Variants in RBFOX1 observed in about 807,000 individuals in gnomAD.
RBFOX1 encodes the protein RNA binding fox-1 homolog 1.
RBFOX1 carries 8 observed loss-of-function variants against 57.7 expected under a neutral mutation model. That is an observed-to-expected ratio of 0.14 (90% CI 0.08 to 0.25). The LOEUF is 0.25. Among genes scored for constraint, RBFOX1 ranks in the 10% least tolerant of loss-of-function variants. RBFOX1 has a pLI of 1.00. For synonymous variants in RBFOX1, 326 were observed against 222.4 expected, an observed-to-expected ratio of 1.47 and a Z score of -4.15; for missense variants, 611 against 548.5, an observed-to-expected ratio of 1.11 and a Z score of -1.14.
intron 4 of RBFOX1, among the ~76,000 whole-genome samples, chr16:7,089,206 C>G (rs1446281824): frequency 6.6e-6 from 1 of 152,088 alleles, no homozygotes; most frequent in African/African-American, 2.4e-5. Flanking sequence ...ATTATTTTGT[C>G]TTCATTTCAG....
At chr16:5,575,802 G>A (rs530738007) in intron 2 of RBFOX1, among the ~76,000 whole-genome samples, 2 of 151,790 alleles carry the variant, frequency 1.3e-5, no homozygotes, top group African/African-American at 4.8e-5. Flanking sequence ...TCTTGGGCTG[G>A]AATGTGCCCA....
chr16:7,304,342 A>T, intron 4 of RBFOX1: 1 of 985,324 alleles, frequency 1.0e-6, no homozygotes, highest in Non-Finnish European at 1.2e-6. Context: ...ACGTGATTGC[A>T]TTCAAGCGTC....
At chr16:6,973,811 CAGGATGTGT>C (rs1228794486) in intron 3 of RBFOX1, among the ~76,000 whole-genome samples, 1 of 151,988 alleles carries the variant, frequency 6.6e-6, no homozygotes, top group East Asian at 1.9e-4. Context: ...GGTACATGTG[CAGGATGTGT>C]AGGTTTGTTA....
intron 4 of RBFOX1, among the ~76,000 whole-genome samples, chr16:5,891,147 C>T (rs905345973): frequency 1.1e-4 from 17 of 152,186 alleles, no homozygotes; most frequent in Non-Finnish European, 2.2e-4. Context: ...CCTCTCTACC[C>T]TCCTTAGGAT....
chr16:6,747,258 A>C (rs1255356288), intron 3 of RBFOX1, among the ~76,000 whole-genome samples: 1 of 152,110 alleles, frequency 6.6e-6, no homozygotes, highest in Non-Finnish European at 1.5e-5. Flanking sequence ...AAAATATACA[A>C]ATTAGCCTGG....
intron 4 of RBFOX1, among the ~76,000 whole-genome samples, chr16:7,324,649 G>A (rs2096587940): frequency 6.6e-6 from 1 of 152,202 alleles, no homozygotes; most frequent in African/African-American, 2.4e-5. Flanking sequence ...ATCAGGTCAG[G>A]AAGCGCTTAA....
At chr16:7,482,488 GT>G (rs375173540) in intron 4 of RBFOX1, among the ~76,000 whole-genome samples, 28,069 of 139,280 alleles carry the variant, frequency 0.2, 3,045 homozygotes, top group East Asian at 0.4. Flanking sequence ...TGTTGTTGTT[GT>G]TGTTGTTTCT....
At chr16:7,562,615 T>C (rs763858619) in intron 5 of RBFOX1, among the ~76,000 whole-genome samples, 2 of 152,138 alleles carry the variant, frequency 1.3e-5, no homozygotes, top group African/African-American at 4.8e-5. Flanking sequence ...CAGAATGAGA[T>C]GGGAGGCAAA....
chr16:6,504,002 C>T (rs1036283383), intron 2 of RBFOX1, among the ~76,000 whole-genome samples: 5 of 152,162 alleles, frequency 3.3e-5, no homozygotes, highest in Non-Finnish European at 7.3e-5. Flanking sequence ...TAAGAGCAGC[C>T]TTCTATTTGC....
rs117718318 is a variant in RBFOX1 at position 6,175,560 on chromosome 16, T to A, written c.-126-141435T>A. 8.4e-4 allele frequency among the ~76,000 whole-genome samples: 128 copies of A among 152,320 alleles called. No individual in the cohort carries two copies. In the East Asian group the frequency reaches 0.023, roughly 28 times the overall value. ...GGTGGTTGTAATGGTTGCGCTTTTG[T>A]TGTGCATAGCACCTAGTAATAGCTG... On this transcript the variant is annotated intron_variant, in intron 1 of 15. Transcript: ENST00000550418.
chr16:7,705,784 T>G (rs1339261448), intron 14 of RBFOX1, among the ~76,000 whole-genome samples: 2 of 152,146 alleles, frequency 1.3e-5, no homozygotes, highest in African/African-American at 2.4e-5. Context: ...GGCTGTTGAG[T>G]TGGTGTTGAT....
intron 3 of RBFOX1, among the ~76,000 whole-genome samples, chr16:5,731,062 A>G (rs75445862): frequency 0.26 from 38,388 of 148,750 alleles, 5,682 homozygotes; most frequent in African/African-American, 0.4. Flanking sequence ...ATTGTCACCA[A>G]TGTAAGCACC....
chr16:6,044,401 C>T (rs535973112), intron 1 of RBFOX1, among the ~76,000 whole-genome samples: 1 of 151,126 alleles, frequency 6.6e-6, no homozygotes, highest in African/African-American at 2.4e-5. Context: ...TCTGTTACAA[C>T]AGATGAGGAA....
chr16:6,931,358 CACACATACAT>C (rs2076526564), intron 3 of RBFOX1, among the ~76,000 whole-genome samples: 1 of 151,502 alleles, frequency 6.6e-6, no homozygotes, highest in Non-Finnish European at 1.5e-5. Context: ...CACACACACA[CACACATACAT>C]ACACATATAT....
intron 3 of RBFOX1, among the ~76,000 whole-genome samples, chr16:5,861,081 A>G (rs1182990316): frequency 6.6e-6 from 1 of 152,226 alleles, no homozygotes; most frequent in Admixed American, 6.5e-5. Flanking sequence ...CTCAGTGTCA[A>G]GAGATGGAGT....
intron 3 of RBFOX1, among the ~76,000 whole-genome samples, chr16:5,841,424 C>T (rs1185590979): frequency 1.3e-5 from 2 of 152,124 alleles, no homozygotes; most frequent in Non-Finnish European, 2.9e-5. Context: ...TATCTTCTTC[C>T]CGAGAGCAAG....
At chr16:5,543,532 G>C (rs2151065649) in intron 2 of RBFOX1, among the ~76,000 whole-genome samples, 1 of 152,310 alleles carries the variant, frequency 6.6e-6, no homozygotes, top group Middle Eastern at 3.4e-3. Flanking sequence ...AACAGCATTA[G>C]TAATCTCTGG....
rs146276861 is a variant in RBFOX1, at chr16:7,400,928, C to G, written c.28-117219C>G. ...GCAACTAAAGAAGCAAAATTGAAGT[C>G]TCACATACCACCACGGTATTTTATT... On this transcript the variant is annotated intron_variant, in intron 4 of 15. Coordinates refer to ENST00000550418, the MANE Select transcript of RBFOX1 (RefSeq NM_018723.4). 6.0e-3 allele frequency among the ~76,000 whole-genome samples: 907 copies of G among 152,296 alleles called. 8 individuals are homozygous for G. Among genetic ancestry groups the G allele is most frequent in the South Asian group, 0.015 (72 of 4,830 alleles).
intron 3 of RBFOX1, among the ~76,000 whole-genome samples, chr16:6,716,493 C>G (rs2064847214): frequency 6.6e-6 from 1 of 152,170 alleles, no homozygotes; most frequent in Non-Finnish European, 1.5e-5. Flanking sequence ...TTATTACCTG[C>G]CCATTTCAGC....
Sources: gnomAD v4.1 joint callset for allele counts (sites outside exome capture counted in the v4.1 genomes callset) on GRCh38, gnomAD v4.1.1 for gene constraint, MANE v1.5 for transcripts, NCBI Gene and HGNC (gene_info 2026-07-23, HGNC 2026-07-21) for gene names.